ST6GAL2: variants seen among roughly 807,000 people sequenced by gnomAD.
ST6GAL2 encodes the protein ST6 beta-galactoside alpha-2,6-sialyltransferase 2, also known as beta-galactoside alpha-2,6-sialyltransferase 2.
ST6GAL2 carries 24 observed loss-of-function variants against 37.5 expected under a neutral mutation model. That is an observed-to-expected ratio of 0.64 (90% CI 0.46 to 0.90). The LOEUF is 0.90. Among genes scored for constraint, ST6GAL2 ranks in the 40% least tolerant of loss-of-function variants. ST6GAL2 has a pLI of 0.00. For synonymous variants in ST6GAL2, 306 were observed against 295.1 expected, an observed-to-expected ratio of 1.04 and a Z score of -0.38; for missense variants, 715 against 712.7, an observed-to-expected ratio of 1.00 and a Z score of -0.04.
Position 106,834,066 on chromosome 2 carries a change from G to A in ST6GAL2, c.1024C>T (p.Arg342Cys), listed in dbSNP as rs533150647. 3.7e-5 allele frequency: 59 copies of A among 1,612,566 alleles called. No homozygotes were observed. The highest frequency in any genetic ancestry group is 4.7e-5 in the Non-Finnish European group (55 of 1,178,764). ...EKDVGNKTTIRIINSQILTNP... is the reference protein window; with the variant it reads ...EKDVGNKTTICIINSQILTNP... ...TGTCTTACCTGCGAATTAATGATGC[G>A]TATGGTGGTTTTATTCCCAACATCT... The change falls in exon 3 of 6, where the codon CGC becomes TGC. Residue 342 changes from arginine to cysteine, a missense_variant. Transcript: ENST00000409382.
chr2:106,851,654 G>A (rs371844389), intron 1 of ST6GAL2, among the ~76,000 whole-genome samples: 4 of 146,408 alleles, frequency 2.7e-5, no homozygotes, highest in East Asian at 2.1e-4. Flanking sequence ...TTCTTGACTG[G>A]AGAGTGTTTT....
At chr2:106,830,392 T>G (rs1041423991) in intron 4 of ST6GAL2, 152 bp from the exon 5 acceptor site, 1 of 646,866 alleles carries the variant, frequency 1.5e-6, no homozygotes, top group African/African-American at 1.8e-5. Flanking sequence ...CACTTCCTCA[T>G]TGGGATGAGG....
chr2:106,882,585 G>A (rs4676309), intron 1 of ST6GAL2, among the ~76,000 whole-genome samples: 106,280 of 152,096 alleles, frequency 0.7, 38,722 homozygotes, highest in East Asian at 0.97. Context: ...ACAATTATCA[G>A]TTTTGTGGAA....
intron 1 of ST6GAL2, among the ~76,000 whole-genome samples, chr2:106,861,555 C>T (rs944210596): frequency 6.6e-6 from 1 of 152,134 alleles, no homozygotes; most frequent in Non-Finnish European, 1.5e-5. Context: ...GTGAAGTCTT[C>T]ATTGTGCCTG....
In ST6GAL2 at chr2:106,806,782, T is replaced by G. The variant is rs752265203; in HGVS notation, c.1486A>C (p.Asn496His). Reference protein sequence around the residue: ...LYEKLLVQRLNMGTQGDLHRK... With the variant: ...LYEKLLVQRLHMGTQGDLHRK... The stretch of plus-strand genomic sequence containing the variant: ...TGCAAATCCCCCTGCGTGCCCATGT[T>G]CAGGCGCTGCACCAGGAGCTTCTCA... The change falls in exon 6 of 6, where the codon AAC (asparagine) becomes CAC (histidine). Residue 496 changes from asparagine to histidine, a missense_variant. Around this residue, in one of 3 missense-constraint regions of ST6GAL2, gnomAD observed 198 missense variants for 203.6 expected, o/e 0.97. Transcript: ENST00000409382. 3 of 1,614,192 alleles carry G rather than the reference T, an allele frequency of 1.9e-6. No individual in the cohort carries two copies. Among genetic ancestry groups the G allele is most frequent in the Non-Finnish European group, 2.5e-6 (3 of 1,180,050 alleles).
chr2:106,813,494 G>T (rs769484673), intron 5 of ST6GAL2, among the ~76,000 whole-genome samples: 2 of 152,156 alleles, frequency 1.3e-5, no homozygotes, highest in Non-Finnish European at 2.9e-5. Context: ...ACAAATTCTA[G>T]ATGACTGAGG....
chr2:106,886,331 G>C (rs1250124251), upstream of ST6GAL2: 3 of 152,186 alleles, frequency 2.0e-5, no homozygotes, highest in Non-Finnish European at 4.4e-5. Context: ...AGTGCGCGGC[G>C]GGAGTCGTCC....
rs376753460 is a variant in ST6GAL2, at chr2:106,806,754, C to T, written c.1514G>A (p.Arg505His). The change falls in exon 6 of 6, where the codon CGC (arginine) becomes CAC (histidine). Residue 505 changes from arginine (R) to histidine (H), a missense_variant. Coordinates refer to ENST00000409382, the MANE Select transcript of ST6GAL2 (RefSeq NM_001142351.2). The stretch of plus-strand genomic sequence containing the variant: ...GCCGGGAAGAACCACCTTGCCCTTG[C>T]GATGCAAATCCCCCTGCGTGCCCAT... Reference protein sequence around the residue: ...LNMGTQGDLHRKGKVVLPGFQ... With the variant: ...LNMGTQGDLHHKGKVVLPGFQ... 1.6e-4 allele frequency: 255 copies of T among 1,614,038 alleles called. No homozygotes were observed. Among genetic ancestry groups the T allele is most frequent in the Non-Finnish European group, 2.0e-4 (238 of 1,180,040 alleles).
At chr2:106,864,352 T>G (rs1677935461) in intron 1 of ST6GAL2, among the ~76,000 whole-genome samples, 1 of 152,218 alleles carries the variant, frequency 6.6e-6, no homozygotes, top group South Asian at 2.1e-4. Flanking sequence ...CATAGGTAAC[T>G]ATTCCTCCCT....
At chr2:106,827,801 A>G (rs1026709256) in intron 5 of ST6GAL2, among the ~76,000 whole-genome samples, 2 of 152,240 alleles carry the variant, frequency 1.3e-5, no homozygotes, top group Non-Finnish European at 1.5e-5. Flanking sequence ...TAATTGAAAC[A>G]TAAGTAGCCA....
At chr2:106,828,478 G>GA (rs1194046006) in intron 5 of ST6GAL2, among the ~76,000 whole-genome samples, 3 of 152,038 alleles carry the variant, frequency 2.0e-5, no homozygotes, top group Non-Finnish European at 4.4e-5. Context: ...TTAAAAGGGA[G>GA]AAAAAAAGCT....
chr2:106,857,794 T>C (rs892202029), intron 1 of ST6GAL2, among the ~76,000 whole-genome samples: 7 of 152,150 alleles, frequency 4.6e-5, no homozygotes, highest in African/African-American at 1.7e-4. Context: ...GTGGCCTCTT[T>C]GGGCAGGTGT....
chr2:106,872,528 G>A (rs1678313748), intron 1 of ST6GAL2, among the ~76,000 whole-genome samples: 1 of 152,132 alleles, frequency 6.6e-6, no homozygotes, highest in Admixed American at 6.5e-5. Context: ...TGTACGAGAG[G>A]TCCCTGTGTC....
At chr2:106,816,372 T>C (rs74801554) in intron 5 of ST6GAL2, among the ~76,000 whole-genome samples, 2 of 152,330 alleles carry the variant, frequency 1.3e-5, no homozygotes, top group South Asian at 4.1e-4. Flanking sequence ...ATAATCTTGA[T>C]ACTAAAAGTC....
intron 5 of ST6GAL2, among the ~76,000 whole-genome samples, chr2:106,820,605 C>T (rs1015703743): frequency 6.6e-6 from 1 of 152,068 alleles, no homozygotes; most frequent in East Asian, 1.9e-4. Context: ...AAACATTAGA[C>T]TTAATCTGTA....
At chr2:106,814,924 G>A (rs537979851) in intron 5 of ST6GAL2, among the ~76,000 whole-genome samples, 1 of 152,340 alleles carries the variant, frequency 6.6e-6, no homozygotes, top group Non-Finnish European at 1.5e-5. Context: ...ATGTGAACAA[G>A]TAGCTCCCAA....
chr2:106,813,114 G>GTTTTTTT, intron 5 of ST6GAL2: 2 of 1,139,342 alleles, frequency 1.8e-6, no homozygotes, highest in Non-Finnish European at 2.2e-6. Flanking sequence ...TATATGGCCA[G>GTTTTTTT]TTTTTTTTTT....
In ST6GAL2 at chr2:106,832,612, T is replaced by C. The variant is rs1676467430; in HGVS notation, c.1096A>G (p.Ile366Val). 1 of 1,608,978 alleles carries C rather than the reference T, an allele frequency of 6.2e-7. No homozygotes were observed. Among genetic ancestry groups the C allele is most frequent in the Non-Finnish European group, 8.5e-7 (1 of 1,178,532 alleles). Residue 366 changes from isoleucine (I) to valine (V), a missense_variant, in exon 4 of 6, where the codon ATT (isoleucine) becomes GTT (valine). By Grantham distance (29) the Ile-to-Val change is conservative. Around this residue, in one of 3 missense-constraint regions of ST6GAL2, gnomAD observed 5 missense variants for 20.3 expected, o/e 0.25. Coordinates refer to ENST00000409382, the MANE Select transcript of ST6GAL2 (RefSeq NM_001142351.2). ...GGGGCAGGGTCCCAGGCCACCAAAA[T>C]GACGTCTTTATACAGTGAACTGTCA... ...FIDSSLYKDV[I>V]LVAWDPAPYS...
chr2:106,817,711 T>C (rs1675854347), intron 5 of ST6GAL2, among the ~76,000 whole-genome samples: 1 of 152,124 alleles, frequency 6.6e-6, no homozygotes, highest in African/African-American at 2.4e-5. Context: ...AAGGGCACTT[T>C]GTCTTGCAGC....
Sources: allele counts gnomAD v4.1 joint callset (sites outside exome capture counted in the v4.1 genomes callset), GRCh38; gene constraint gnomAD v4.1.1; regional missense constraint gnomAD v4.1.1; transcripts MANE v1.5; gene names NCBI Gene and HGNC (gene_info 2026-07-23, HGNC 2026-07-21).